PTK2: variants seen among roughly 807,000 people sequenced by gnomAD.
PTK2 encodes the protein protein tyrosine kinase 2, also known as focal adhesion kinase 1.
PTK2 carries 45 observed loss-of-function variants against 150.1 expected under a neutral mutation model. The ratio of observed to expected loss-of-function variants is 0.30; its 90% CI spans 0.24 to 0.38. The LOEUF is 0.38. PTK2 is among the 10% of genes least tolerant of loss of function. The probability of loss-of-function intolerance (pLI) is 1.00; values close to 1 mark genes in which losing one functional copy is unlikely to be tolerated. For missense variants in PTK2, 919 were observed against 1,307.3 expected (o/e 0.70, Z 4.58); for synonymous variants, 432 against 449.2 (o/e 0.96, Z 0.48).
At chr8:140,699,640 T>C (rs914709358) in intron 26 of PTK2, among the ~76,000 whole-genome samples, 1 of 152,214 alleles carries the variant, frequency 6.6e-6, no homozygotes, top group African/African-American at 2.4e-5. Context: ...GATGCAATAG[T>C]TTATACGTAA....
Position 140,966,294 on chromosome 8 carries a change from G to A in PTK2, c.-122+34831C>T, listed in dbSNP as rs188775229. On this transcript the variant is annotated intron_variant, in intron 1 of 31. Coordinates refer to ENST00000522684, the Ensembl canonical transcript of PTK2. Reference sequence around the variant, plus strand: ...GAATGACTTAATGAATAAATGAATGGATACACTGGCATTGAGTACCTCAGC... The same window carrying A: ...GAATGACTTAATGAATAAATGAATGAATACACTGGCATTGAGTACCTCAGC... 3.4e-3 allele frequency among the ~76,000 whole-genome samples: 516 copies of A among 152,304 alleles called. 4 individuals carry two copies. Among genetic ancestry groups the A allele is most frequent in the African/African-American group, 0.012 (501 of 41,562 alleles).
intron 1 of PTK2, among the ~76,000 whole-genome samples, chr8:140,993,256 G>T (rs567137713): frequency 2.0e-5 from 3 of 152,074 alleles, no homozygotes; most frequent in Non-Finnish European, 2.9e-5. Context: ...CAGATGATCC[G>T]CTGGCCTCTG....
chr8:140,673,749 C>A (rs2100011991), intron 29 of PTK2, among the ~76,000 whole-genome samples: 1 of 152,150 alleles, frequency 6.6e-6, no homozygotes, highest in South Asian at 2.1e-4. Context: ...GCAGGCTGCA[C>A]CTGACTTCTG....
chr8:140,803,016 T>TC, intron 11 of PTK2, among the ~76,000 whole-genome samples: 1 of 139,184 alleles, frequency 7.2e-6, no homozygotes, highest in South Asian at 2.5e-4. Context: ...TTTTTTTTTT[T>TC]TTTTTTTTTT....
chr8:140,675,314 G>C (rs1487656055), intron 28 of PTK2, 146 bp downstream of exon 31: 7 of 822,864 alleles, frequency 8.5e-6, no homozygotes, highest in South Asian at 1.6e-5. Context: ...GTAATGAGCT[G>C]AATGTGGTAA....
At chr8:140,931,203 G>C (rs2100171635) in intron 1 of PTK2, among the ~76,000 whole-genome samples, 1 of 151,834 alleles carries the variant, frequency 6.6e-6, no homozygotes, top group South Asian at 2.1e-4. Flanking sequence ...ATTCTCTCTA[G>C]ATAGAATCAC....
At position 140,972,413 on chromosome 8, in the gene PTK2, C is replaced by T. The variant is rs369233698; in HGVS notation, c.-122+28712G>A. On this transcript the variant is annotated intron_variant, in intron 1 of 31. Transcript: ENST00000522684. The stretch of plus-strand genomic sequence containing the variant: ...CCGAGTAGCTGCAACTACAGGCGCA[C>T]GCCACCACGCCTGGCAAGTTTCTGT... 3.1e-4 allele frequency among the ~76,000 whole-genome samples: 47 copies of T among 152,200 alleles called. 1 individual carries two copies. The South Asian group carries it at 8.5e-3, about 28-fold the overall frequency.
At chr8:140,943,482 A>G (rs952164078) in intron 1 of PTK2, among the ~76,000 whole-genome samples, 8 of 152,198 alleles carry the variant, frequency 5.3e-5, no homozygotes, top group South Asian at 2.1e-4. Flanking sequence ...CCATTTACCA[A>G]CTGATGGATA....
Position 140,694,046 on chromosome 8 carries a change from T to C in PTK2, c.2499+6845A>G, listed in dbSNP as rs564481486. On this transcript the variant is annotated intron_variant, in intron 26 of 31. Coordinates refer to ENST00000522684, the Ensembl canonical transcript of PTK2. ...CATCTTTTTTTCTTTTCTTTTCTTT[T>C]TTTTTTTTTTTTGAGATGGAGTCTC... Among the ~76,000 whole-genome samples, 4 of 145,696 alleles carry C rather than the reference T, an allele frequency of 2.7e-5. 1 individual carries two copies. Among genetic ancestry groups the C allele is most frequent in the Admixed American group, 6.7e-5 (1 of 15,000 alleles).
intron 10 of PTK2, among the ~76,000 whole-genome samples, chr8:140,815,329 C>T (rs535824932): frequency 9.3e-4 from 141 of 152,130 alleles, no homozygotes; most frequent in African/African-American, 3.2e-3. Flanking sequence ...AATACTGCAT[C>T]TTTTAGCTCC....
chr8:140,690,575 A>G (rs370321610), intron 26 of PTK2, among the ~76,000 whole-genome samples: 4 of 152,252 alleles, frequency 2.6e-5, no homozygotes, highest in East Asian at 1.9e-4. Context: ...CTGTAGAAAA[A>G]TTAAGATACT....
chr8:140,899,185 G>A (rs2100157483), intron 2 of PTK2, among the ~76,000 whole-genome samples: 1 of 152,108 alleles, frequency 6.6e-6, no homozygotes, highest in African/African-American at 2.4e-5. Flanking sequence ...GTTAATAAGT[G>A]GAATCTGTAT....
intron 10 of PTK2, among the ~76,000 whole-genome samples, chr8:140,812,196 A>T (rs1375238481): frequency 6.6e-6 from 1 of 152,242 alleles, no homozygotes; most frequent in African/African-American, 2.4e-5. Flanking sequence ...TCAGATAAAC[A>T]GCAGACCTCT....
intron 1 of PTK2, among the ~76,000 whole-genome samples, chr8:140,949,484 C>T (rs530213306): frequency 6.6e-6 from 1 of 152,220 alleles, no homozygotes; most frequent in Non-Finnish European, 1.5e-5. Context: ...TCCGGGAAGC[C>T]CCCCCGCCCT....
intron 4 of PTK2, among the ~76,000 whole-genome samples, chr8:140,868,722 G>C (rs145228059): frequency 5.9e-5 from 9 of 152,170 alleles, no homozygotes; most frequent in Admixed American, 5.9e-4. Flanking sequence ...AACTCAAATT[G>C]AAGAACACAA....
chr8:140,676,814 C>A (rs1461905519), intron 27 of PTK2, among the ~76,000 whole-genome samples: 1 of 134,328 alleles, frequency 7.4e-6, no homozygotes, highest in Admixed American at 7.9e-5. Context: ...GGTGTGTGCC[C>A]GTAATCCCAG....
chr8:140,659,448 C>A, exon 32 of PTK2: 1 of 1,596,530 alleles, frequency 6.3e-7, no homozygotes, highest in Non-Finnish European at 8.6e-7. Context: ...GGTAGCAAGA[C>A]GTGCTCCTAG....
At chr8:140,659,155 C>G (rs953116389) in exon 32 of PTK2, 6 of 382,324 alleles carry the variant, frequency 1.6e-5, no homozygotes, top group Non-Finnish European at 2.9e-5. Flanking sequence ...TAGAACGTAT[C>G]TTAATGTGAA....
In PTK2 at chr8:140,980,742, G is replaced by A. The variant is rs557441859; in HGVS notation, c.-122+20383C>T. Among the ~76,000 whole-genome samples the A allele has an allele frequency of 1.8e-4, 28 of 151,460 alleles. 1 individual carries two copies. Among genetic ancestry groups the A allele is most frequent in the Middle Eastern group, 6.9e-3 (2 of 290 alleles). ...TTCCAAGTCTACTTTTCCTCTTTCC[G>A]GCTCTAAAGCTTTTTTTTTTTTTTT... On this transcript the variant is annotated intron_variant, in intron 1 of 31. Transcript: ENST00000522684.
Sources: allele counts gnomAD v4.1 joint callset (sites outside exome capture counted in the v4.1 genomes callset), GRCh38; gene constraint gnomAD v4.1.1; transcripts MANE v1.5; gene names NCBI Gene and HGNC (gene_info 2026-07-23, HGNC 2026-07-21).